Variants in MGAT4C observed in about 807,000 individuals in gnomAD.
MGAT4C encodes alpha-1,3-mannosyl-glycoprotein 4-beta-N-acetylglucosaminyltransferase C.
MGAT4C carries 19 observed loss-of-function variants against 40.1 expected under a neutral mutation model. The observed-to-expected ratio is 0.47, with a 90% CI of 0.33 to 0.70. The LOEUF (loss-of-function observed/expected upper bound fraction) is 0.70. Ranked by LOEUF, MGAT4C falls within the 30% of genes least tolerant of loss-of-function variation. MGAT4C has a pLI of 0.02. For missense variants in MGAT4C, 491 were observed against 563.2 expected (o/e 0.87, Z 1.30); for synonymous variants, 181 against 187.1 (o/e 0.97, Z 0.27).
chr12:86,010,943 T>A (rs1888407272), intron 2 of MGAT4C, among the ~76,000 whole-genome samples: 1 of 152,176 alleles, frequency 6.6e-6, no homozygotes, highest in Admixed American at 6.5e-5. Flanking sequence ...TGATGCCTTT[T>A]GCCATGTTGT....
At chr12:86,118,272 C>T (rs1198090481) in intron 1 of MGAT4C, among the ~76,000 whole-genome samples, 1 of 152,048 alleles carries the variant, frequency 6.6e-6, no homozygotes, top group Non-Finnish European at 1.5e-5. Flanking sequence ...AGGAAGTTTG[C>T]AATGACTTGT....
intron 4 of MGAT4C, among the ~76,000 whole-genome samples, chr12:86,319,764 A>T (rs979648656): frequency 9.9e-5 from 15 of 152,190 alleles, no homozygotes; most frequent in African/African-American, 3.4e-4. Flanking sequence ...AGGAAATATT[A>T]TATTAGCATC....
chr12:86,358,295 C>A (rs1321870515), intron 3 of MGAT4C, among the ~76,000 whole-genome samples: 2 of 152,148 alleles, frequency 1.3e-5, no homozygotes, highest in African/African-American at 2.4e-5. Context: ...TTTGTCACCA[C>A]CAGGCCTGCC....
intron 1 of MGAT4C, among the ~76,000 whole-genome samples, chr12:86,141,967 A>G (rs1339276622): frequency 6.6e-6 from 1 of 152,110 alleles, no homozygotes; most frequent in Non-Finnish European, 1.5e-5. Flanking sequence ...TAGGAGAGTT[A>G]CTGTCCTTTT....
chr12:86,203,591 T>C (rs184908547), intron 1 of MGAT4C, among the ~76,000 whole-genome samples: 1 of 152,270 alleles, frequency 6.6e-6, no homozygotes, highest in East Asian at 1.9e-4. Flanking sequence ...CCAGACAATA[T>C]GTTACCAGAC....
chr12:86,267,468 C>T (rs1474678708), intron 4 of MGAT4C, among the ~76,000 whole-genome samples: 1 of 152,082 alleles, frequency 6.6e-6, no homozygotes, highest in Non-Finnish European at 1.5e-5. Context: ...AGTGGCACCA[C>T]TTCAAAATTC....
chr12:86,518,170 C>G (rs980081028), intron 2 of MGAT4C, among the ~76,000 whole-genome samples: 1 of 152,098 alleles, frequency 6.6e-6, no homozygotes, highest in Non-Finnish European at 1.5e-5. Context: ...TTGAAGATTT[C>G]TTAGGTAGAT....
chr12:86,243,766 T>C (rs1419231295), intron 1 of MGAT4C, among the ~76,000 whole-genome samples: 1 of 152,002 alleles, frequency 6.6e-6, no homozygotes, highest in Non-Finnish European at 1.5e-5. Context: ...GAAAAAAAGG[T>C]TAGTAGACAC....
At chr12:86,766,808 C>G (rs1264179003) in intron 1 of MGAT4C, among the ~76,000 whole-genome samples, 2 of 151,906 alleles carry the variant, frequency 1.3e-5, no homozygotes, top group African/African-American at 2.4e-5. Flanking sequence ...TAAAGATGTT[C>G]TTTGAAACCA....
intron 4 of MGAT4C, among the ~76,000 whole-genome samples, chr12:86,282,426 CT>C (rs1411698972): frequency 6.6e-6 from 1 of 151,722 alleles, no homozygotes; most frequent in Admixed American, 6.6e-5. Context: ...TCATTTAGTT[CT>C]TTTTTGTAAT....
At chr12:86,180,213 A>T (rs1566100097) in intron 1 of MGAT4C, among the ~76,000 whole-genome samples, 8 of 152,354 alleles carry the variant, frequency 5.3e-5, no homozygotes. Context: ...ACAGAAGTCA[A>T]GAATTGAGGT....
chr12:86,139,933 A>G (rs754374129), intron 1 of MGAT4C, among the ~76,000 whole-genome samples: 20 of 152,300 alleles, frequency 1.3e-4, no homozygotes, highest in Non-Finnish European at 2.8e-4. Flanking sequence ...TGATTAAGTC[A>G]CCCAAACCTT....
chr12:86,445,690 A>G (rs1013733895), intron 2 of MGAT4C, among the ~76,000 whole-genome samples: 1 of 152,214 alleles, frequency 6.6e-6, no homozygotes, highest in Non-Finnish European at 1.5e-5. Context: ...TTTACATAAT[A>G]GAATAAAATA....
chr12:86,184,307 G>T (rs1434310645), intron 1 of MGAT4C, among the ~76,000 whole-genome samples: 1 of 151,576 alleles, frequency 6.6e-6, no homozygotes, highest in African/African-American at 2.4e-5. Context: ...AACCTGGGAG[G>T]CAGAAGTTGC....
intron 1 of MGAT4C, among the ~76,000 whole-genome samples, chr12:86,159,783 C>T (rs1885390979): frequency 6.6e-6 from 1 of 151,950 alleles, no homozygotes; most frequent in Admixed American, 6.6e-5. Context: ...CAGGAATTTA[C>T]CCATTTCCTC....
chr12:86,379,685 T>A (rs940828626), intron 3 of MGAT4C, among the ~76,000 whole-genome samples: 9 of 152,182 alleles, frequency 5.9e-5, no homozygotes, highest in Non-Finnish European at 1.2e-4. Flanking sequence ...ATACTTTTTT[T>A]AGAAAAAGTT....
intron 2 of MGAT4C, among the ~76,000 whole-genome samples, chr12:86,572,467 C>T (rs909855525): frequency 2.6e-5 from 4 of 151,968 alleles, no homozygotes; most frequent in African/African-American, 4.8e-5. Flanking sequence ...CACTCCATTG[C>T]TAAAAATCTT....
chr12:86,089,066 A>G (rs1252363978), intron 1 of MGAT4C, among the ~76,000 whole-genome samples: 1 of 152,014 alleles, frequency 6.6e-6, no homozygotes, highest in Non-Finnish European at 1.5e-5. Flanking sequence ...ATTTAATACT[A>G]ACATAGATGA....
chr12:86,423,409 C>A (rs1029591903), intron 3 of MGAT4C, among the ~76,000 whole-genome samples: 1 of 151,762 alleles, frequency 6.6e-6, no homozygotes, highest in Non-Finnish European at 1.5e-5. Flanking sequence ...TAACAAGTCT[C>A]AGAAAACATA....
Sources: allele counts gnomAD v4.1 joint callset (sites outside exome capture counted in the v4.1 genomes callset), GRCh38; gene constraint gnomAD v4.1.1; transcripts MANE v1.5; gene names NCBI Gene and HGNC (gene_info 2026-07-23, HGNC 2026-07-21).